PSD3: variants seen among roughly 807,000 people sequenced by gnomAD.
PSD3 encodes the protein PH and SEC7 domain-containing protein 3.
A neutral mutation model predicts 105.5 loss-of-function variants in PSD3; 49 were observed. That is an observed-to-expected ratio of 0.46 (90% CI 0.37 to 0.59). The LOEUF (loss-of-function observed/expected upper bound fraction) is 0.59, where lower values mean the gene tolerates loss of function less well. PSD3 is among the 20% of genes least tolerant of loss of function. The pLI, the probability that PSD3 is intolerant of heterozygous loss-of-function variation, is 0.00. For missense variants in PSD3, 1,561 were observed against 1,263.8 expected (o/e 1.24, Z -3.57); for synonymous variants, 557 against 457.8 (o/e 1.22, Z -2.77).
At chr8:18,559,332 C>T (rs1341547678) in intron 14 of PSD3, among the ~76,000 whole-genome samples, 1 of 152,050 alleles carries the variant, frequency 6.6e-6, no homozygotes, top group Non-Finnish European at 1.5e-5. Context: ...AATGATAAGC[C>T]ACTGTGATTT....
chr8:18,907,473 C>A (rs1457401777), intron 2 of PSD3, among the ~76,000 whole-genome samples: 1 of 152,120 alleles, frequency 6.6e-6, no homozygotes, highest in African/African-American at 2.4e-5. Context: ...CTGCACCTGG[C>A]CTTTTATCTT....
In PSD3 at chr8:18,925,777, G is replaced by A. The variant is rs564660514; in HGVS notation, c.130+10257C>T. 9.8e-4 allele frequency among the ~76,000 whole-genome samples: 149 copies of A among 152,218 alleles called. 1 individual carries two copies. Among genetic ancestry groups the A allele is most frequent in the African/African-American group, 2.8e-3 (115 of 41,548 alleles). ...TTAACGAGGAAGATGACTGGAGGAC[G>A]CATTTAAAAAGCCATCCAGCAGAAA... On this transcript the variant is annotated intron_variant, in intron 2 of 15. Coordinates refer to ENST00000327040, the MANE Select transcript of PSD3 (RefSeq NM_015310.4).
intron 4 of PSD3, among the ~76,000 whole-genome samples, chr8:18,853,374 T>C (rs192592348): frequency 2.8e-3 from 419 of 152,268 alleles, no homozygotes; most frequent in African/African-American, 9.6e-3. Context: ...TGGTCAGGAA[T>C]TATTCTTCAA....
intron 2 of PSD3, among the ~76,000 whole-genome samples, chr8:18,899,872 T>G (rs994916134): frequency 6.6e-6 from 1 of 152,290 alleles, no homozygotes; most frequent in South Asian, 2.1e-4. Flanking sequence ...TTCCTCATCA[T>G]AAATCCAACT....
chr8:19,027,754 C>T (rs1827609022), intron 1 of PSD3, among the ~76,000 whole-genome samples: 1 of 152,146 alleles, frequency 6.6e-6, no homozygotes, highest in African/African-American at 2.4e-5. Context: ...TGAGATTCAT[C>T]CATATTTTCA....
chr8:18,582,122 A>G (rs577058081), intron 12 of PSD3, among the ~76,000 whole-genome samples: 59 of 152,270 alleles, frequency 3.9e-4, no homozygotes, highest in African/African-American at 1.3e-3. Flanking sequence ...ATTATTTTCA[A>G]AAGTCACAGG....
chr8:18,912,063 A>C (rs763153885), intron 2 of PSD3, among the ~76,000 whole-genome samples: 2 of 152,182 alleles, frequency 1.3e-5, no homozygotes, highest in Non-Finnish European at 1.5e-5. Context: ...TGAGGAAAAA[A>C]ATCAACCCAC....
chr8:18,973,650 G>C (rs749121379), intron 1 of PSD3, among the ~76,000 whole-genome samples: 2 of 152,128 alleles, frequency 1.3e-5, no homozygotes, highest in African/African-American at 4.8e-5. Flanking sequence ...GGAGATACAA[G>C]TCAGTTCATA....
At chr8:19,077,880 G>A (rs946421727) in intron 1 of PSD3, among the ~76,000 whole-genome samples, 1 of 152,140 alleles carries the variant, frequency 6.6e-6, no homozygotes, top group African/African-American at 2.4e-5. Context: ...CTGACTTCTG[G>A]AATACTGGGT....
intron 1 of PSD3, among the ~76,000 whole-genome samples, chr8:19,003,496 T>C (rs764582155): frequency 8.6e-5 from 13 of 151,846 alleles, no homozygotes; most frequent in Non-Finnish European, 1.5e-4. Flanking sequence ...ACAAGCAAAG[T>C]GTAGAGATTA....
intron 1 of PSD3, among the ~76,000 whole-genome samples, chr8:19,049,177 G>C (rs550410855): frequency 6.6e-6 from 1 of 152,266 alleles, no homozygotes; most frequent in Admixed American, 6.5e-5. Context: ...GAGGTACTGA[G>C]TGTTAGGAAT....
chr8:19,060,590 C>T (rs1828862984), intron 1 of PSD3, among the ~76,000 whole-genome samples: 1 of 152,140 alleles, frequency 6.6e-6, no homozygotes, highest in Non-Finnish European at 1.5e-5. Context: ...GCCATGATTG[C>T]ACCACTGCAC....
At chr8:18,771,661 G>A (rs1259039931) in intron 8 of PSD3, among the ~76,000 whole-genome samples, 1 of 152,134 alleles carries the variant, frequency 6.6e-6, no homozygotes, top group Non-Finnish European at 1.5e-5. Flanking sequence ...AAATGTATGG[G>A]ATTATTTTTA....
At chr8:18,573,748 C>G (rs1545999) in intron 13 of PSD3, among the ~76,000 whole-genome samples, 4 of 151,920 alleles carry the variant, frequency 2.6e-5, no homozygotes, top group Non-Finnish European at 5.9e-5. Flanking sequence ...GGCAATACTG[C>G]AGAGGCAGAA....
intron 1 of PSD3, among the ~76,000 whole-genome samples, chr8:19,048,544 G>A (rs62495949): frequency 6.6e-5 from 10 of 152,034 alleles, no homozygotes; most frequent in African/African-American, 2.2e-4. Context: ...TTGTATATCC[G>A]TGGAAAAGAA....
At chr8:18,994,573 G>A (rs551419878) in intron 1 of PSD3, among the ~76,000 whole-genome samples, 1 of 152,150 alleles carries the variant, frequency 6.6e-6, no homozygotes, top group South Asian at 2.1e-4. Context: ...TGTGCTGTGA[G>A]TGTAAAATAT....
intron 2 of PSD3, among the ~76,000 whole-genome samples, chr8:18,927,122 G>A (rs576405600): frequency 5.3e-5 from 8 of 152,256 alleles, no homozygotes; most frequent in African/African-American, 1.7e-4. Context: ...AAAGGGGCAC[G>A]GAACTTCCAA....
At chr8:19,064,197 A>T (rs1828995393) in intron 1 of PSD3, among the ~76,000 whole-genome samples, 1 of 152,152 alleles carries the variant, frequency 6.6e-6, no homozygotes, top group Non-Finnish European at 1.5e-5. Flanking sequence ...GAGAACTCCA[A>T]GTACCTGAGT....
intron 9 of PSD3, among the ~76,000 whole-genome samples, chr8:18,717,173 T>C (rs946605771): frequency 6.6e-6 from 1 of 152,114 alleles, no homozygotes; most frequent in Non-Finnish European, 1.5e-5. Flanking sequence ...GCCAAAACAT[T>C]TCAAACTCAA....
Sources: allele counts gnomAD v4.1 joint callset (sites outside exome capture counted in the v4.1 genomes callset), GRCh38; gene constraint gnomAD v4.1.1; transcripts MANE v1.5; gene names NCBI Gene and HGNC (gene_info 2026-07-23, HGNC 2026-07-21).